C9orf72: variants seen among roughly 807,000 people sequenced by gnomAD.
The protein encoded by C9orf72 is guanine nucleotide exchange factor C9orf72.
A neutral mutation model predicts 51.6 loss-of-function variants in C9orf72; 44 were observed. That is an observed-to-expected ratio of 0.85 (90% confidence interval 0.67 to 1.10). The LOEUF is 1.10. Ranked by LOEUF, C9orf72 falls within the 50% of genes least tolerant of loss-of-function variation. The pLI is 0.00. For synonymous variants in C9orf72, 213 were observed against 194.2 expected (o/e 1.10, Z -0.81); for missense variants, 607 against 570.6 (o/e 1.06, Z -0.65).
At position 27,548,682 on chromosome 9, in the gene C9orf72, C is replaced by G. The variant is rs369969754; in HGVS notation, c.1150-16G>C. The G allele has an allele frequency of 3.0e-5, 42 of 1,409,278 alleles. No homozygotes were observed. Among genetic ancestry groups the G allele is most frequent in the Non-Finnish European group, 3.9e-5 (39 of 994,252 alleles). The allele number at this position is 1,409,278 out of a possible 1,614,324, so 87.3% of individuals were successfully genotyped here. On this transcript the variant is annotated splice_polypyrimidine_tract_variant and intron_variant, in intron 9 of 10. Coordinates refer to ENST00000380003, the MANE Select transcript of C9orf72 (RefSeq NM_018325.5). The stretch of plus-strand genomic sequence containing the variant: ...GCTGAAAGACCTGCAGGGAGAGGAA[C>G]CATTTCAACACATAATTTGCTCACA...
rs767605056 is a variant in C9orf72 at position 27,556,581 on chromosome 9, G to A, written c.1071C>T (p.Asp357=). ...DMAQDTIIYT[D]ESFTPDLNIF... ...CGTACAAATCAGGAGTAAAGCTTTC[G>A]TCAGTGTAGATGATCGTATCCTGAG... The change falls in exon 8 of 11, where the codon GAC becomes GAT. Residue 357 remains aspartate (D), a synonymous_variant. Coordinates refer to ENST00000380003, the MANE Select transcript of C9orf72 (RefSeq NM_018325.5). 6.8e-6 allele frequency: 11 copies of A among 1,612,422 alleles called. No homozygotes were observed. The highest frequency in any genetic ancestry group is 2.2e-5 in the South Asian group (2 of 91,054).
chr9:27,561,141 G>T, intron 5 of C9orf72: 1 of 561,634 alleles, frequency 1.8e-6, no homozygotes, highest in Non-Finnish European at 2.3e-6. Flanking sequence ...CGGGTACACA[G>T]CATTAATCCA....
Position 27,552,240 on chromosome 9 carries a change from T to A in C9orf72, c.1092-1533A>T, listed in dbSNP as rs576234323. Among the ~76,000 whole-genome samples, 76 of 152,342 alleles carry A rather than the reference T, an allele frequency of 5.0e-4. 1 individual carries two copies. The highest frequency in any genetic ancestry group is 1.8e-3 in the African/African-American group (76 of 41,574). ...GTCTTGTTACGGTTCTCAAGGAGAA[T>A]ACTTCCAGCTTTTGCCCATTTGGTA... is the stretch of plus-strand genomic sequence containing the variant. On this transcript the variant is annotated intron_variant, in intron 8 of 10. Coordinates refer to ENST00000380003, the MANE Select transcript of C9orf72 (RefSeq NM_018325.5).
In C9orf72 at chr9:27,566,728, A is replaced by T; in HGVS notation, c.393T>A (p.Cys131Ter). ...LSFYLPLHRV[C>*]VDRLTHIIRK... ...GGATTATATGTGTTAATCTATCAAC[A>T]CACACTCTATGAAGTGGGAGGTAGA... The change falls in exon 2 of 11, where the codon TGT (cysteine) becomes TGA (stop). Residue 131 changes from cysteine to a stop codon, truncating the protein, a stop_gained. Coordinates refer to ENST00000380003, the MANE Select transcript of C9orf72 (RefSeq NM_018325.5). LOFTEE classifies it high-confidence loss of function. 6.2e-7 allele frequency: 1 copy of T among 1,613,642 alleles called. No homozygotes were observed. The highest frequency in any genetic ancestry group is 1.3e-5 in the African/African-American group (1 of 75,028).
chr9:27,568,058 C>T (rs903938231), intron 1 of C9orf72, among the ~76,000 whole-genome samples: 4 of 55,062 alleles, frequency 7.3e-5, no homozygotes, highest in African/African-American at 3.0e-4. Flanking sequence ...CACCTAACAA[C>T]AGAAATACTT....
At chr9:27,553,799 T>C (rs2131531791) in intron 8 of C9orf72, among the ~76,000 whole-genome samples, 1 of 152,198 alleles carries the variant, frequency 6.6e-6, no homozygotes, top group African/African-American at 2.4e-5. Flanking sequence ...AAACCATGTA[T>C]CCAACAAAGG....
chr9:27,566,594 T>TA (rs1332490499), intron 2 of C9orf72, 83 bp downstream of exon 2: 6 of 968,300 alleles, frequency 6.2e-6, no homozygotes, highest in African/African-American at 5.0e-5. Flanking sequence ...TGCATATAAT[T>TA]AAAAAAATAA....
intron 8 of C9orf72, chr9:27,554,449 G>C (rs528229331): frequency 2.5e-6 from 1 of 395,922 alleles, no homozygotes; most frequent in South Asian, 1.4e-4. Flanking sequence ...AGTATACATG[G>C]ACACAAAGAA....
At chr9:27,549,609 T>C (rs2131527951) in intron 9 of C9orf72, among the ~76,000 whole-genome samples, 1 of 152,316 alleles carries the variant, frequency 6.6e-6, no homozygotes, top group African/African-American at 2.4e-5. Context: ...TAACAAACTG[T>C]AATATATTAA....
At chr9:27,556,238 G>T (rs1257755365) in intron 8 of C9orf72, among the ~76,000 whole-genome samples, 1 of 152,080 alleles carries the variant, frequency 6.6e-6, no homozygotes, top group African/African-American at 2.4e-5. Flanking sequence ...TATACACAAT[G>T]TAGGGGCTGG....
rs1819262994 is a variant in C9orf72 at position 27,558,494 on chromosome 9, T to A, written c.852A>T (p.Leu284=). The change falls in exon 7 of 11, where the codon CTA becomes CTT. Residue 284 remains leucine (L), a synonymous_variant. Transcript: ENST00000380003. ...YESGLFVQGL[L]KDSTGSFVLP... is the part of the protein sequence containing the mutation. ...TTGTGATAACTAGAAACTATACCTT[T>A]AGCAGGCCTTGTACAAAGAGCCCTG... The A allele has an allele frequency of 6.5e-7, 1 of 1,535,924 alleles. No individual in the cohort carries two copies. Among genetic ancestry groups the A allele is most frequent in the Admixed American group, 1.8e-5 (1 of 55,344 alleles).
At chr9:27,552,128 A>G in intron 8 of C9orf72, among the ~76,000 whole-genome samples, 1 of 152,120 alleles carries the variant, frequency 6.6e-6, no homozygotes, top group East Asian at 1.9e-4. Context: ...TCCTATCTGA[A>G]TGTCTTTCTT....
chr9:27,550,174 C>T (rs909185287), intron 9 of C9orf72, among the ~76,000 whole-genome samples: 4 of 149,480 alleles, frequency 2.7e-5, no homozygotes, highest in Non-Finnish European at 5.9e-5. Context: ...TATATATGCT[C>T]GTACTATATA....
At chr9:27,564,461 G>A (rs1244102612) in intron 3 of C9orf72, among the ~76,000 whole-genome samples, 2 of 152,170 alleles carry the variant, frequency 1.3e-5, no homozygotes, top group Admixed American at 6.5e-5. Context: ...GGGTTAGAGG[G>A]TGCTGAAAGT....
intron 6 of C9orf72, chr9:27,558,835 C>T (rs1482758161): frequency 2.5e-6 from 1 of 398,604 alleles, no homozygotes. Flanking sequence ...TATGGCATCT[C>T]AAAACCTTTA....
At chr9:27,562,510 C>A in intron 3 of C9orf72, 34 bp from the exon 4 acceptor site, 2 of 1,100,928 alleles carry the variant, frequency 1.8e-6, no homozygotes, top group Non-Finnish European at 2.6e-6. Context: ...TGAAGAAAAT[C>A]ACGTAATATG....
At chr9:27,560,407 A>T in intron 5 of C9orf72, 108 bp from the exon 6 acceptor site, 1 of 793,482 alleles carries the variant, frequency 1.3e-6, no homozygotes, top group Non-Finnish European at 2.0e-6. Flanking sequence ...ATAGCTTTAT[A>T]TGATAAACAC....
chr9:27,573,432 C>G lies in C9orf72; in HGVS notation c.-46G>C, dbSNP rs962645019. On this transcript the variant is annotated splice_region_variant and 5_prime_UTR_variant, in exon 1 of 11. Transcript: ENST00000380003. ...CCAGGATGCCGCCTCCTCACTCACC[C>G]ACTCGCCACCGCCTGCGCCTCCGCC... is the stretch of plus-strand genomic sequence containing the variant. The G allele has an allele frequency of 5.3e-5, 8 of 151,478 alleles. No individual in the cohort carries two copies. Among genetic ancestry groups the G allele is most frequent in the African/African-American group, 1.7e-4 (7 of 41,206 alleles). The allele number at this position is 151,478 out of a possible 1,614,324, so 9.4% of individuals were successfully genotyped here.
intron 8 of C9orf72, among the ~76,000 whole-genome samples, chr9:27,553,702 C>T (rs1004099240): frequency 6.6e-6 from 1 of 151,940 alleles, no homozygotes; most frequent in Non-Finnish European, 1.5e-5. Context: ...AAAACAAACA[C>T]AAATGGGACC....
Sources: gnomAD v4.1 joint callset for allele counts (sites outside exome capture counted in the v4.1 genomes callset) on GRCh38, gnomAD v4.1.1 for gene constraint, MANE v1.5 for transcripts, NCBI Gene and HGNC (gene_info 2026-07-23, HGNC 2026-07-21) for gene names.